The following PPP1R12B variants were observed in gnomAD, a reference collection of about 807,000 sequenced individuals.
PPP1R12B encodes the protein myosin phosphatase target subunit 2.
PPP1R12B carries 76 observed loss-of-function variants against 126.1 expected under a neutral mutation model. That is an observed-to-expected ratio of 0.60 (90% CI 0.50 to 0.73). The LOEUF (loss-of-function observed/expected upper bound fraction) is 0.73. PPP1R12B is among the 30% of genes least tolerant of loss of function. PPP1R12B has a pLI of 0.00. For missense variants in PPP1R12B, 1,052 were observed against 1,205.1 expected (o/e 0.87, Z 1.88); for synonymous variants, 356 against 434.7 (o/e 0.82, Z 2.25).
rs763907761 is a variant in PPP1R12B at position 202,449,091 on chromosome 1, C to A, written c.1770C>A (p.Ser590Arg). The change falls in exon 13 of 24, where the codon AGC (serine) becomes AGA (arginine). Residue 590 changes from serine (S) to arginine (R), a missense_variant. By Grantham distance (110) the Ser-to-Arg change is moderately radical. Transcript: ENST00000608999. ...TGATCACCAATCGCCCTCTTCCTAG[C>A]ACTGCCAATGGGGTTACAGCTACTC... is the stretch of plus-strand genomic sequence containing the variant. Reference protein sequence around the residue: ...LCVITNRPLPSTANGVTATPV... With the variant: ...LCVITNRPLPRTANGVTATPV... 1.2e-6 allele frequency: 2 copies of A among 1,613,910 alleles called. No individual in the cohort carries two copies. Among genetic ancestry groups the A allele is most frequent in the Non-Finnish European group, 1.7e-6 (2 of 1,179,846 alleles).
In PPP1R12B at chr1:202,410,694, T is replaced by G. The variant is rs564671179; in HGVS notation, c.292-6093T>G. ...TCCCCAGATTATTGGTAAAATCAAGTATTTTTCCTTGGAGATTATCATTGC... is the reference window on the plus strand; with the variant it reads ...TCCCCAGATTATTGGTAAAATCAAGGATTTTTCCTTGGAGATTATCATTGC... On this transcript the variant is annotated intron_variant, in intron 1 of 23. Transcript: ENST00000608999. Among the ~76,000 whole-genome samples, 8 of 152,344 alleles carry G rather than the reference T, an allele frequency of 5.3e-5. No homozygotes were observed. In the South Asian group the frequency reaches 1.4e-3, roughly 28 times the overall value.
intron 18 of PPP1R12B, among the ~76,000 whole-genome samples, chr1:202,531,956 T>C (rs2148940565): frequency 6.6e-6 from 1 of 152,332 alleles, no homozygotes; most frequent in South Asian, 2.1e-4. Flanking sequence ...AAAGCAAGTT[T>C]ATTTAGAAAG....
At position 202,417,058 on chromosome 1, in the gene PPP1R12B, C is replaced by G. The variant is rs1668170152; in HGVS notation, c.422+141C>G. ...TTACAAAAGCAGAAAGTTGAATTATCTTTAAGCCATAACTAATACAATGTT... is the reference window on the plus strand; with the variant it reads ...TTACAAAAGCAGAAAGTTGAATTATGTTTAAGCCATAACTAATACAATGTT... On this transcript the variant is annotated intron_variant, in intron 2 of 23. Transcript: ENST00000608999. 2.2e-5 allele frequency: 25 copies of G among 1,150,786 alleles called. 1 individual carries two copies. Among genetic ancestry groups the G allele is most frequent in the Non-Finnish European group, 2.6e-5 (23 of 877,466 alleles). 71.3% of individuals were successfully genotyped at this position (1,150,786 alleles called of 1,614,324 possible). A position where few individuals can be genotyped will look rare whatever the true frequency, so the allele number is the denominator to read the frequency against.
At chr1:202,510,588 C>A (rs1353488212) in intron 18 of PPP1R12B, among the ~76,000 whole-genome samples, 1 of 152,084 alleles carries the variant, frequency 6.6e-6, no homozygotes, top group Admixed American at 6.6e-5. Flanking sequence ...TCTGTCCTCC[C>A]GAAATACACA....
At chr1:202,446,111 T>C (rs919415346) in intron 12 of PPP1R12B, among the ~76,000 whole-genome samples, 7 of 151,306 alleles carry the variant, frequency 4.6e-5, no homozygotes, top group African/African-American at 1.5e-4. Flanking sequence ...TATAGGTAAA[T>C]TTATTAGGTC....
intron 1 of PPP1R12B, among the ~76,000 whole-genome samples, chr1:202,397,271 A>G (rs1319105145): frequency 6.6e-6 from 1 of 152,240 alleles, no homozygotes; most frequent in African/African-American, 2.4e-5. Flanking sequence ...TCTTCAGCTT[A>G]CTTGACTGTT....
In PPP1R12B at chr1:202,488,544, C is replaced by G. The variant is rs781389863; in HGVS notation, c.1862C>G (p.Thr621Ser). The change falls in exon 14 of 24, where the codon ACT (threonine) becomes AGT (serine). Residue 621 changes from threonine (T) to serine (S), a missense_variant. By Grantham distance (58) the Thr-to-Ser change is moderately conservative. Coordinates refer to ENST00000608999, the MANE Select transcript of PPP1R12B (RefSeq NM_002481.4). ...EAREKRRSYL[T>S]PVRDEEAESL... Reference sequence around the variant, plus strand: ...TTTTTTCTCTGCAGGTCCTATCTGACTCCTGTACGGGATGAGGAAGCAGAG... The same window carrying G: ...TTTTTTCTCTGCAGGTCCTATCTGAGTCCTGTACGGGATGAGGAAGCAGAG... 1 of 1,610,212 alleles carries G rather than the reference C, an allele frequency of 6.2e-7. No homozygotes were observed. The highest frequency in any genetic ancestry group is 1.1e-5 in the South Asian group (1 of 90,488).
intron 12 of PPP1R12B, chr1:202,443,132 A>G: frequency 4.1e-6 from 4 of 980,550 alleles, no homozygotes; most frequent in African/African-American, 3.5e-5. Flanking sequence ...GAGAAGGTAC[A>G]TGGGTTTCCT....
intron 23 of PPP1R12B, among the ~76,000 whole-genome samples, chr1:202,579,343 GC>G (rs772666396): frequency 6.6e-6 from 1 of 152,180 alleles, no homozygotes; most frequent in Non-Finnish European, 1.5e-5. Flanking sequence ...TTTACTGGGG[GC>G]ATTACCTGCC....
At chr1:202,559,538 C>T (rs1687305423) in intron 19 of PPP1R12B, among the ~76,000 whole-genome samples, 1 of 152,200 alleles carries the variant, frequency 6.6e-6, no homozygotes, top group African/African-American at 2.4e-5. Context: ...GGGTACAAAA[C>T]TAATCTTCTG....
chr1:202,417,407 G>T, intron 2 of PPP1R12B: 4 of 985,248 alleles, frequency 4.1e-6, no homozygotes, highest in Non-Finnish European at 4.8e-6. Flanking sequence ...GGAAAGGTGG[G>T]CACTGGCATG....
intron 15 of PPP1R12B, among the ~76,000 whole-genome samples, chr1:202,493,810 G>A (rs1679196396): frequency 6.6e-6 from 1 of 152,178 alleles, no homozygotes; most frequent in South Asian, 2.1e-4. Context: ...GCCAGAGTTT[G>A]AACATAGGCA....
At chr1:202,580,429 G>A in intron 23 of PPP1R12B, 45 bp from the exon 24 acceptor site, 13 of 1,525,260 alleles carry the variant, frequency 8.5e-6, no homozygotes, top group Non-Finnish European at 1.2e-5. Context: ...GGCCAAGGAG[G>A]ATCCTGCCAG....
chr1:202,406,659 A>G lies in PPP1R12B; in HGVS notation c.292-10128A>G, dbSNP rs1666640720. ...AAGGCTGAGTTTCTTCATCTGTAAC[A>G]TGGAAAGTCCTAATGCTTATCACTC... On this transcript the variant is annotated intron_variant, in intron 1 of 23. Transcript: ENST00000608999. Among the ~76,000 whole-genome samples the G allele has an allele frequency of 2.0e-5, 3 of 152,196 alleles. No homozygotes were observed. The South Asian group carries it at 6.2e-4, about 31-fold the overall frequency.
At chr1:202,446,250 A>ATTT (rs1219174832) in intron 12 of PPP1R12B, among the ~76,000 whole-genome samples, 11 of 61,606 alleles carry the variant, frequency 1.8e-4, no homozygotes, top group African/African-American at 9.9e-4. Flanking sequence ...ATATATATAT[A>ATTT]TATATATTTT....
intron 2 of PPP1R12B, chr1:202,417,282 G>A (rs747088172): frequency 1.7e-5 from 17 of 985,110 alleles, no homozygotes; most frequent in Non-Finnish European, 1.7e-5. Flanking sequence ...CTATTTCACT[G>A]TTTTTTTAAA....
intron 1 of PPP1R12B, among the ~76,000 whole-genome samples, chr1:202,357,242 C>G (rs1201313313): frequency 6.6e-6 from 1 of 152,112 alleles, no homozygotes; most frequent in African/African-American, 2.4e-5. Context: ...GAAACTAATA[C>G]AGAGAAGAAC....
chr1:202,436,268 AAACAACAAC>A (rs374800665), intron 9 of PPP1R12B, among the ~76,000 whole-genome samples: 50 of 151,588 alleles, frequency 3.3e-4, no homozygotes, highest in Admixed American at 2.5e-3. Flanking sequence ...CGTGTCTCAA[AAACAACAAC>A]AACAACAACA....
intron 13 of PPP1R12B, among the ~76,000 whole-genome samples, chr1:202,449,437 G>A (rs1382410927): frequency 3.3e-5 from 5 of 151,678 alleles, no homozygotes; most frequent in South Asian, 2.1e-4. Flanking sequence ...CACCCCACCC[G>A]GCTAATTTTT....
Sources: allele counts gnomAD v4.1 joint callset (sites outside exome capture counted in the v4.1 genomes callset), GRCh38; gene constraint gnomAD v4.1.1; transcripts MANE v1.5; gene names NCBI Gene and HGNC (gene_info 2026-07-23, HGNC 2026-07-21).